THOC1: variants seen among roughly 807,000 people sequenced by gnomAD.
THOC1 encodes THO complex subunit 1.
In THOC1, 29 loss-of-function variants were observed where a neutral mutation model predicts 97.3. The observed-to-expected ratio is 0.30, with a 90% confidence interval of 0.22 to 0.41. THOC1 has a LOEUF of 0.41. Among genes scored for constraint, THOC1 ranks in the 10% least tolerant of loss-of-function variants. The pLI is 1.00. For synonymous variants in THOC1, 255 were observed against 257.0 expected (o/e 0.99, Z 0.07); for missense variants, 529 against 761.9 (o/e 0.69, Z 3.60).
intron 1 of THOC1, among the ~76,000 whole-genome samples, chr18:265,946 C>T (rs1912754203): frequency 6.6e-6 from 1 of 152,198 alleles, no homozygotes; most frequent in Non-Finnish European, 1.5e-5. Context: ...ATACTTTGCA[C>T]TAAAGTCTAG....
intron 1 of THOC1, 80 bp downstream of exon 1, chr18:267,886 G>A: frequency 9.7e-6 from 14 of 1,440,850 alleles, no homozygotes; most frequent in Middle Eastern, 1.8e-4. Flanking sequence ...TTACCCCAGG[G>A]CAAAATTCGA....
chr18:253,072 T>C (rs1407689900), intron 8 of THOC1, among the ~76,000 whole-genome samples: 1 of 152,198 alleles, frequency 6.6e-6, no homozygotes, highest in Non-Finnish European at 1.5e-5. Flanking sequence ...TTTTCAAATA[T>C]ATACATCAAT....
chr18:221,647 C>G (rs1784382), intron 17 of THOC1, among the ~76,000 whole-genome samples: 1 of 142,094 alleles, frequency 7.0e-6, no homozygotes, highest in East Asian at 2.1e-4. Flanking sequence ...CTCGCTCTGT[C>G]GCCCAGGCTG....
At chr18:218,749 G>A (rs1316522668) in intron 18 of THOC1, 137 bp downstream of exon 18, 1 of 661,314 alleles carries the variant, frequency 1.5e-6, no homozygotes, top group Non-Finnish European at 2.6e-6. Context: ...ACAAGAACTT[G>A]GAACATAAAC....
At position 214,803 on chromosome 18, in the gene THOC1, A is replaced by C. The variant is rs1365252011; in HGVS notation, c.1797T>G (p.Ile599Met). 6.2e-7 allele frequency: 1 copy of C among 1,613,778 alleles called. No homozygotes were observed. The highest frequency in any genetic ancestry group is 1.7e-5 in the Admixed American group (1 of 59,996). ...APYLEMKDSE[I>M]RQIECDSEDM... ...CTTCACTGTCACACTCAATCTGCCT[A>C]ATTTCTGAGTCTTTCATTTCCAAGT... Residue 599 changes from isoleucine (I) to methionine (M), a missense_variant, in exon 21 of 21, where the codon ATT becomes ATG. By Grantham distance (10) the Ile-to-Met change is conservative. Around this residue, in one of 8 missense-constraint regions of THOC1, gnomAD observed 98 missense variants for 111.9 expected, o/e 0.88. Coordinates refer to ENST00000261600, the MANE Select transcript of THOC1 (RefSeq NM_005131.3).
At chr18:245,058 G>A (rs1469285424) in intron 11 of THOC1, 2 of 151,978 alleles carry the variant, frequency 1.3e-5, no homozygotes, top group Admixed American at 1.3e-4. Flanking sequence ...GCCTGCTTTT[G>A]TTTCATGATT....
chr18:215,562 G>T, intron 19 of THOC1, 58 bp from the exon 20 acceptor site: 1 of 1,430,394 alleles, frequency 7.0e-7, no homozygotes, highest in Non-Finnish European at 9.8e-7. Context: ...TAAGGTAACA[G>T]GTATTTTGTT....
chr18:226,590 G>C (rs1598291258), intron 12 of THOC1, among the ~76,000 whole-genome samples: 1 of 152,072 alleles, frequency 6.6e-6, no homozygotes, highest in African/African-American at 2.4e-5. Context: ...CCCTGGAGTT[G>C]GGCAGGAAAA....
chr18:233,832 G>A (rs1359888702), intron 11 of THOC1, among the ~76,000 whole-genome samples: 1 of 152,074 alleles, frequency 6.6e-6, no homozygotes, highest in African/African-American at 2.4e-5. Flanking sequence ...CATAGAAATA[G>A]TAAGACTAAC....
intron 11 of THOC1, among the ~76,000 whole-genome samples, chr18:244,096 C>G (rs1361934275): frequency 6.6e-6 from 1 of 152,060 alleles, no homozygotes; most frequent in African/African-American, 2.4e-5. Context: ...TATTCCTTTC[C>G]TACTCCTGAA....
At chr18:262,374 T>A (rs762080228) in intron 4 of THOC1, among the ~76,000 whole-genome samples, 5 of 152,238 alleles carry the variant, frequency 3.3e-5, no homozygotes. Flanking sequence ...TAACAAAATA[T>A]ATTTATGGAT....
intron 15 of THOC1, among the ~76,000 whole-genome samples, chr18:224,707 T>C (rs1318146159): frequency 6.6e-6 from 1 of 152,222 alleles, no homozygotes; most frequent in Non-Finnish European, 1.5e-5. Flanking sequence ...ATAAGATGTT[T>C]GTTCCAGGAA....
chr18:224,219 A>G (rs111930920), intron 15 of THOC1, 40 bp from the exon 16 acceptor site: 3 of 1,343,912 alleles, frequency 2.2e-6, no homozygotes, highest in Non-Finnish European at 1.0e-6. Flanking sequence ...TGAATTACAA[A>G]TGGATAACAG....
chr18:215,549 A>C (rs759484764), intron 19 of THOC1, 45 bp from the exon 20 acceptor site: 10 of 1,493,614 alleles, frequency 6.7e-6, no homozygotes, highest in Non-Finnish European at 9.3e-6. Context: ...CCAGCCTCTG[A>C]AGTAAGGTAA....
chr18:256,417 G>C (rs1474110347), intron 7 of THOC1, among the ~76,000 whole-genome samples: 1 of 152,354 alleles, frequency 6.6e-6, no homozygotes. Flanking sequence ...CTACGTAGTA[G>C]AAATGGCAAG....
rs1435031103 is a variant in THOC1 at position 265,439 on chromosome 18, T to C, written c.128+18A>G. ...TAAAGATTGAGGCAAGTATTTTTCATAGATATCAATGCCTTACCTGCCAGG... is the reference window on the plus strand; with the variant it reads ...TAAAGATTGAGGCAAGTATTTTTCACAGATATCAATGCCTTACCTGCCAGG... On this transcript the variant is annotated intron_variant, in intron 2 of 20. Transcript: ENST00000261600. 1.4e-5 allele frequency: 23 copies of C among 1,587,102 alleles called. No homozygotes were observed. Among genetic ancestry groups the C allele is most frequent in the Non-Finnish European group, 1.9e-5 (22 of 1,168,384 alleles).
At chr18:227,269 C>T (rs889963024) in intron 11 of THOC1, among the ~76,000 whole-genome samples, 2 of 151,902 alleles carry the variant, frequency 1.3e-5, no homozygotes, top group Non-Finnish European at 2.9e-5. Flanking sequence ...CACTTGAGCT[C>T]AGGAGTTCGA....
chr18:247,936 G>T lies in THOC1; in HGVS notation c.699C>A (p.Asn233Lys). The stretch of plus-strand genomic sequence containing the variant: ...GAAGTGACCAGAATTTTCGATACAG[G>T]TTGTAATCAATTGGAATAGAGCTAA... The part of the protein sequence containing the change: ...PTTCSIPIDY[N>K]LYRKFWSLQD... The change falls in exon 10 of 21, where the codon AAC becomes AAA. Residue 233 changes from asparagine to lysine, a missense_variant. Asn to Lys is a moderately conservative substitution (Grantham distance 94). This residue lies in a region of THOC1 where 92 missense variants were observed against 127.0 expected (regional missense o/e 0.72). Transcript: ENST00000261600. The T allele has an allele frequency of 6.2e-7, 1 of 1,600,300 alleles. No homozygotes were observed. The highest frequency in any genetic ancestry group is 8.5e-7 in the Non-Finnish European group (1 of 1,173,056).
intron 9 of THOC1, 112 bp downstream of exon 9, chr18:252,427 A>AAATTTCTTAT (rs1404099086): frequency 3.6e-6 from 3 of 824,090 alleles, no homozygotes; most frequent in Non-Finnish European, 5.9e-6. Context: ...CAAATGAAAG[A>AAATTTCTTAT]AATTTCTTAT....
Sources: gnomAD v4.1 joint callset for allele counts (sites outside exome capture counted in the v4.1 genomes callset) on GRCh38, gnomAD v4.1.1 for gene constraint, gnomAD v4.1.1 regional missense constraint, MANE v1.5 for transcripts, NCBI Gene and HGNC (gene_info 2026-07-23, HGNC 2026-07-21) for gene names.